The following STOM variants were observed in gnomAD, a reference collection of about 807,000 sequenced individuals.
STOM encodes stomatin, also known as erythrocyte band 7 integral membrane protein.
A neutral mutation model predicts 30.6 loss-of-function variants in STOM; 25 were observed. The ratio of observed to expected loss-of-function variants is 0.82; its 90% CI spans 0.60 to 1.14. The LOEUF (loss-of-function observed/expected upper bound fraction) is 1.14. Among genes scored for constraint, STOM ranks in the 50% most tolerant of loss-of-function variants. The pLI, the probability that STOM is intolerant of heterozygous loss-of-function variation, is 0.00. For synonymous variants in STOM, 118 were observed against 130.8 expected (o/e 0.90, Z 0.67); for missense variants, 292 against 365.2 (o/e 0.80, Z 1.63).
chr9:121,341,499 G>T, intron 6 of STOM, 91 bp from the exon 7 acceptor site: 1 of 1,550,386 alleles, frequency 6.5e-7, no homozygotes. Flanking sequence ...ACCTCAGGTG[G>T]TCCACAAAAC....
intron 1 of STOM, chr9:121,366,109 A>G (rs369776059): frequency 1.0e-6 from 1 of 985,084 alleles, no homozygotes; most frequent in Non-Finnish European, 1.2e-6. Context: ...ATATTCTACT[A>G]CCTTACCATA....
At chr9:121,362,220 T>G (rs528220479) in intron 1 of STOM, among the ~76,000 whole-genome samples, 1 of 152,208 alleles carries the variant, frequency 6.6e-6, no homozygotes, top group Non-Finnish European at 1.5e-5. Flanking sequence ...CAAAAGTTAC[T>G]ATAAAAATTA....
intron 5 of STOM, among the ~76,000 whole-genome samples, chr9:121,348,701 G>A (rs1209445949): frequency 2.0e-5 from 3 of 152,146 alleles, no homozygotes; most frequent in Non-Finnish European, 2.9e-5. Flanking sequence ...AGAATCCAGA[G>A]TTATAGCACT....
At chr9:121,363,485 G>A (rs984213038) in intron 1 of STOM, among the ~76,000 whole-genome samples, 1 of 152,086 alleles carries the variant, frequency 6.6e-6, no homozygotes, top group African/African-American at 2.4e-5. Flanking sequence ...AATATTTTGG[G>A]CTTTGCAGTC....
intron 6 of STOM, among the ~76,000 whole-genome samples, chr9:121,342,968 A>G (rs962141800): frequency 1.3e-5 from 2 of 152,224 alleles, no homozygotes; most frequent in Non-Finnish European, 2.9e-5. Flanking sequence ...GTTACTGAAC[A>G]TCCTGAACCT....
At chr9:121,362,826 G>A (rs1469726319) in intron 1 of STOM, among the ~76,000 whole-genome samples, 1 of 152,158 alleles carries the variant, frequency 6.6e-6, no homozygotes, top group African/African-American at 2.4e-5. Context: ...TGAAACAAAT[G>A]AAATTTGTTG....
At chr9:121,342,319 A>C (rs769563607) in intron 6 of STOM, among the ~76,000 whole-genome samples, 6 of 151,974 alleles carry the variant, frequency 3.9e-5, no homozygotes, top group Non-Finnish European at 7.4e-5. Flanking sequence ...AGCCGAGATC[A>C]TGCCACTGCT....
At chr9:121,360,240 A>G (rs775800128) in intron 1 of STOM, among the ~76,000 whole-genome samples, 1 of 152,160 alleles carries the variant, frequency 6.6e-6, no homozygotes, top group Non-Finnish European at 1.5e-5. Context: ...TCTCGATAGC[A>G]TTTTTTGAAA....
chr9:121,359,353 GT>G (rs1448101039), intron 1 of STOM, among the ~76,000 whole-genome samples: 1 of 152,172 alleles, frequency 6.6e-6, no homozygotes, highest in Non-Finnish European at 1.5e-5. Context: ...TGACTTGGTA[GT>G]TTTCTGATCC....
chr9:121,368,342 C>T (rs1195869129), intron 1 of STOM, among the ~76,000 whole-genome samples: 2 of 152,146 alleles, frequency 1.3e-5, no homozygotes, highest in Admixed American at 1.3e-4. Context: ...CATGTTGATT[C>T]TCAAAGAACT....
intron 6 of STOM, among the ~76,000 whole-genome samples, chr9:121,343,792 A>G (rs932436669): frequency 6.6e-6 from 1 of 152,162 alleles, no homozygotes; most frequent in Admixed American, 6.5e-5. Context: ...TCTGTAGGCA[A>G]TGGGAAGCTG....
At chr9:121,354,465 A>T in intron 3 of STOM, 136 bp downstream of exon 3, 1 of 596,094 alleles carries the variant, frequency 1.7e-6, no homozygotes, top group Non-Finnish European at 2.9e-6. Flanking sequence ...GGCTGCAGTG[A>T]GACATGAGCA....
chr9:121,358,130 G>C (rs904478005), intron 1 of STOM, among the ~76,000 whole-genome samples: 1 of 149,424 alleles, frequency 6.7e-6, no homozygotes, highest in Non-Finnish European at 1.5e-5. Context: ...GGGAGACTCT[G>C]TCTCTACTTT....
In STOM at chr9:121,339,288, T is replaced by C. The variant is rs2064225983; in HGVS notation, c.*1914A>G. On this transcript the variant is annotated 3_prime_UTR_variant, in exon 7 of 7. Transcript: ENST00000286713. ...GGAGAACTCAAGGAACCAAAAGCACTGTTACTCTAAGTCTCAGAAAAGGTT... is the reference window on the plus strand; with the variant it reads ...GGAGAACTCAAGGAACCAAAAGCACCGTTACTCTAAGTCTCAGAAAAGGTT... 1 of 180,118 alleles carries C rather than the reference T, an allele frequency of 5.6e-6. No homozygotes were observed. The highest frequency in any genetic ancestry group is 1.1e-5 in the Non-Finnish European group (1 of 87,048). 11.2% of individuals were successfully genotyped at this position (180,118 alleles called of 1,614,324 possible).
At chr9:121,353,980 T>C (rs544152489) in intron 3 of STOM, among the ~76,000 whole-genome samples, 25 of 152,196 alleles carry the variant, frequency 1.6e-4, no homozygotes, top group Non-Finnish European at 3.5e-4. Context: ...TCATAATACT[T>C]ATCACATAGG....
intron 4 of STOM, among the ~76,000 whole-genome samples, chr9:121,351,319 T>A (rs959734318): frequency 4.6e-5 from 7 of 152,360 alleles, no homozygotes; most frequent in African/African-American, 1.7e-4. Flanking sequence ...CTCAGTCTTG[T>A]TCTTATGAGT....
Position 121,339,418 on chromosome 9 carries a change from A to AGTT in STOM, c.*1781_*1783dup. 1 of 673,872 alleles carries AGTT rather than the reference A, an allele frequency of 1.5e-6. No individual in the cohort carries two copies. Among genetic ancestry groups the AGTT allele is most frequent in the Non-Finnish European group, 2.1e-6 (1 of 485,164 alleles). 41.7% of individuals were successfully genotyped at this position (673,872 alleles called of 1,614,324 possible). A position where few individuals can be genotyped will look rare whatever the true frequency, so the allele number is the denominator to read the frequency against. On this transcript the variant is annotated 3_prime_UTR_variant, in exon 7 of 7. Transcript: ENST00000286713. ...AAAATGTAAGTGCAACTTGAGTTTA[A>AGTT]GTTGCACTGCTCCATACCTCTAATA... is the stretch of plus-strand genomic sequence containing the variant.
intron 4 of STOM, among the ~76,000 whole-genome samples, chr9:121,350,196 T>C (rs2064326760): frequency 6.6e-6 from 1 of 152,218 alleles, no homozygotes; most frequent in Admixed American, 6.5e-5. Context: ...GGCATACACC[T>C]GTAGTTTCAG....
At chr9:121,357,884 TC>T (rs1163139449) in intron 1 of STOM, among the ~76,000 whole-genome samples, 2 of 151,686 alleles carry the variant, frequency 1.3e-5, no homozygotes, top group Non-Finnish European at 2.9e-5. Context: ...GTTTAAAAAG[TC>T]AAACCATTCT....
Sources: allele counts gnomAD v4.1 joint callset (sites outside exome capture counted in the v4.1 genomes callset), GRCh38; gene constraint gnomAD v4.1.1; transcripts MANE v1.5; gene names NCBI Gene and HGNC (gene_info 2026-07-23, HGNC 2026-07-21).